Variants in RAB3C observed in about 807,000 individuals in gnomAD.
The protein encoded by RAB3C is ras-related protein Rab-3C.
Under a neutral mutation model 26.4 loss-of-function variants are expected in RAB3C, and 17 were observed. The observed-to-expected ratio is 0.64, with a 90% CI of 0.44 to 0.97. The LOEUF is 0.97. RAB3C is among the 50% of genes least tolerant of loss of function. RAB3C has a pLI of 0.00. For synonymous variants in RAB3C, 91 were observed against 95.9 expected, an observed-to-expected ratio of 0.95 and a Z score of 0.30; for missense variants, 242 against 281.9, an observed-to-expected ratio of 0.86 and a Z score of 1.01.
At chr5:58,736,585 A>T (rs916456857) in intron 3 of RAB3C, among the ~76,000 whole-genome samples, 2 of 152,244 alleles carry the variant, frequency 1.3e-5, no homozygotes, top group Admixed American at 1.3e-4. Context: ...GAAGTCAAGA[A>T]CATGAACCAG....
chr5:58,805,290 T>C (rs1742911210), intron 3 of RAB3C, among the ~76,000 whole-genome samples: 1 of 152,006 alleles, frequency 6.6e-6, no homozygotes, highest in Non-Finnish European at 1.5e-5. Flanking sequence ...ATGGGCAGTA[T>C]AGATACCAAG....
chr5:58,779,822 G>T (rs539943989), intron 3 of RAB3C, among the ~76,000 whole-genome samples: 25 of 152,144 alleles, frequency 1.6e-4, no homozygotes, highest in African/African-American at 6.0e-4. Context: ...TAAAACATTT[G>T]GGAAACACTA....
intron 2 of RAB3C, among the ~76,000 whole-genome samples, chr5:58,659,454 C>A (rs996152752): frequency 3.3e-5 from 5 of 152,040 alleles, no homozygotes; most frequent in African/African-American, 1.2e-4. Flanking sequence ...CCCTTTCGCC[C>A]CAGAGGAAAA....
At chr5:58,739,730 A>G (rs917070816) in intron 3 of RAB3C, among the ~76,000 whole-genome samples, 12 of 152,222 alleles carry the variant, frequency 7.9e-5, no homozygotes, top group African/African-American at 1.4e-4. Context: ...TAGTGTAAGT[A>G]CAAGAACTTA....
rs192698729 is a variant in RAB3C at position 58,633,595 on chromosome 5, T to C, written c.252+15725T>C. Among the ~76,000 whole-genome samples, 252 of 152,324 alleles carry C rather than the reference T, an allele frequency of 1.7e-3. 1 individual carries two copies. The highest frequency in any genetic ancestry group is 4.8e-3 in the South Asian group (23 of 4,828). On this transcript the variant is annotated intron_variant, in intron 2 of 4. Transcript: ENST00000282878. Reference sequence around the variant, plus strand: ...ACTTTCCATATCTGAATAAAAGTCATATTATTAAGAGATACATGAATAATC... The same window carrying C: ...ACTTTCCATATCTGAATAAAAGTCACATTATTAAGAGATACATGAATAATC...
At chr5:58,808,953 A>C (rs1303760970) in intron 3 of RAB3C, among the ~76,000 whole-genome samples, 1 of 152,208 alleles carries the variant, frequency 6.6e-6, no homozygotes, top group Non-Finnish European at 1.5e-5. Context: ...TCATGTACCA[A>C]ATTTGGTAGC....
intron 3 of RAB3C, among the ~76,000 whole-genome samples, chr5:58,729,858 ATATG>A (rs919994703): frequency 5.5e-5 from 8 of 146,368 alleles, no homozygotes; most frequent in Non-Finnish European, 1.1e-4. Flanking sequence ...TACATATACT[ATATG>A]TATATTTATA....
intron 2 of RAB3C, among the ~76,000 whole-genome samples, chr5:58,697,920 A>G (rs1748753794): frequency 6.6e-6 from 1 of 152,150 alleles, no homozygotes; most frequent in African/African-American, 2.4e-5. Context: ...GCCCATTTAC[A>G]TTTAAGGTTA....
chr5:58,845,618 G>GTGTGTGTGTGTT (rs1743979444), intron 4 of RAB3C, among the ~76,000 whole-genome samples: 1 of 42,470 alleles, frequency 2.4e-5, no homozygotes, highest in South Asian at 6.1e-4. Context: ...ATATATGTGT[G>GTGTGTGTGTGTT]TGTGTGTGTG....
chr5:58,584,215 G>A (rs1378802863), intron 1 of RAB3C, among the ~76,000 whole-genome samples: 3 of 152,132 alleles, frequency 2.0e-5, no homozygotes, highest in Non-Finnish European at 2.9e-5. Flanking sequence ...GGACTTCAGC[G>A]TTTTCCAACT....
intron 3 of RAB3C, among the ~76,000 whole-genome samples, chr5:58,810,517 A>G (rs543594329): frequency 6.6e-6 from 1 of 152,208 alleles, no homozygotes; most frequent in Admixed American, 6.5e-5. Context: ...ACTTCCTTCT[A>G]AAGCAGTGAT....
At chr5:58,606,309 T>C (rs1746568626) in intron 1 of RAB3C, among the ~76,000 whole-genome samples, 3 of 152,150 alleles carry the variant, frequency 2.0e-5, no homozygotes, top group Admixed American at 2.0e-4. Context: ...CACAGCAGTC[T>C]GAGATTGACC....
chr5:58,658,761 C>T (rs1209741138), intron 2 of RAB3C, among the ~76,000 whole-genome samples: 1 of 152,108 alleles, frequency 6.6e-6, no homozygotes, highest in Admixed American at 6.5e-5. Flanking sequence ...TGGCTATTGT[C>T]TGGGCAGTGG....
intron 3 of RAB3C, among the ~76,000 whole-genome samples, chr5:58,814,325 T>G (rs1383617708): frequency 1.3e-5 from 2 of 152,210 alleles, no homozygotes; most frequent in African/African-American, 4.8e-5. Context: ...GGTCCTGTCT[T>G]AATATCTCAC....
At chr5:58,660,076 AT>A in intron 2 of RAB3C, among the ~76,000 whole-genome samples, 2,339 of 146,990 alleles carry the variant, frequency 0.016, 165 homozygotes, top group African/African-American at 0.06. Context: ...AAGTGCTGGG[AT>A]TACAGGTGTG....
At chr5:58,596,889 T>A (rs1746290183) in intron 1 of RAB3C, among the ~76,000 whole-genome samples, 1 of 96,590 alleles carries the variant, frequency 1.0e-5, no homozygotes, top group South Asian at 3.4e-4. Flanking sequence ...TAATACATAA[T>A]ATATAATATT....
chr5:58,752,697 A>G (rs534758728), intron 3 of RAB3C, among the ~76,000 whole-genome samples: 6 of 152,156 alleles, frequency 3.9e-5, no homozygotes, highest in South Asian at 4.1e-4. Context: ...AGATATTGCA[A>G]CTTTGGGGGA....
rs1218396621 is a variant in RAB3C, at chr5:58,621,197, A to G, written c.252+3327A>G. Reference sequence around the variant, plus strand: ...ATATATTTCAAAGAAAAGAGGCAAAATGGTTTCATAGTATGAAAGCCATCG... The same window carrying G: ...ATATATTTCAAAGAAAAGAGGCAAAGTGGTTTCATAGTATGAAAGCCATCG... On this transcript the variant is annotated intron_variant, in intron 2 of 4. Transcript: ENST00000282878. Among the ~76,000 whole-genome samples, 4 of 152,220 alleles carry G rather than the reference A, an allele frequency of 2.6e-5. No homozygotes were observed. The East Asian group carries it at 7.7e-4, about 29-fold the overall frequency.
rs1744310825 is a variant in RAB3C, at chr5:58,858,391, T to C, written c.*7040T>C. 1 of 152,180 alleles carries C rather than the reference T, an allele frequency of 6.6e-6. No homozygotes were observed. Among genetic ancestry groups the C allele is most frequent in the South Asian group, 2.1e-4 (1 of 4,828 alleles). The allele number at this position is 152,180 out of a possible 1,614,324, so 9.4% of individuals were successfully genotyped here. On this transcript the variant is annotated 3_prime_UTR_variant, in exon 5 of 5. Transcript: ENST00000282878. ...AAGGGTGTGGTTGAATTTTAGTTAGTTGTCACATAGTTATTGAACCTCATA... is the reference window on the plus strand; with the variant it reads ...AAGGGTGTGGTTGAATTTTAGTTAGCTGTCACATAGTTATTGAACCTCATA...
Sources: gnomAD v4.1 joint callset for allele counts (sites outside exome capture counted in the v4.1 genomes callset) on GRCh38, gnomAD v4.1.1 for gene constraint, MANE v1.5 for transcripts, NCBI Gene and HGNC (gene_info 2026-07-23, HGNC 2026-07-21) for gene names.